LRRC4C: variants seen among roughly 807,000 people sequenced by gnomAD.
LRRC4C encodes leucine rich repeat containing 4C.
Under a neutral mutation model 33.6 loss-of-function variants are expected in LRRC4C, and 5 were observed. That is an observed-to-expected ratio of 0.15 (90% CI 0.08 to 0.31). LRRC4C has a LOEUF of 0.31. Among genes scored for constraint, LRRC4C ranks in the 10% least tolerant of loss-of-function variants. The pLI is 1.00. For missense variants in LRRC4C, 560 were observed against 796.7 expected, an observed-to-expected ratio of 0.70 and a Z score of 3.58; for synonymous variants, 329 against 302.0, an observed-to-expected ratio of 1.09 and a Z score of -0.93.
chr11:41,011,446 A>G (rs1259060361), intron 1 of LRRC4C, among the ~76,000 whole-genome samples: 1 of 152,166 alleles, frequency 6.6e-6, no homozygotes, highest in Non-Finnish European at 1.5e-5. Context: ...ATCCAATGAA[A>G]ATTATTAAAA....
chr11:41,093,509 G>A (rs1755896771), intron 1 of LRRC4C, among the ~76,000 whole-genome samples: 1 of 152,072 alleles, frequency 6.6e-6, no homozygotes, highest in Non-Finnish European at 1.5e-5. Context: ...TAAATACTTG[G>A]AAGTGGAATA....
chr11:40,320,398 G>A (rs1409837862), intron 3 of LRRC4C, among the ~76,000 whole-genome samples: 1 of 152,052 alleles, frequency 6.6e-6, no homozygotes, highest in Non-Finnish European at 1.5e-5. Flanking sequence ...CCAGCTGCTC[G>A]GGAGGCTGAG....
intron 1 of LRRC4C, among the ~76,000 whole-genome samples, chr11:41,136,386 T>G (rs965226780): frequency 6.6e-6 from 1 of 152,088 alleles, no homozygotes; most frequent in African/African-American, 2.4e-5. Context: ...TCAGTTTATA[T>G]TGTACAGATG....
At chr11:40,610,268 G>A (rs921040235) in intron 3 of LRRC4C, among the ~76,000 whole-genome samples, 2 of 151,616 alleles carry the variant, frequency 1.3e-5, no homozygotes, top group South Asian at 2.1e-4. Context: ...TGAACTAAAC[G>A]AAAGATAAAA....
intron 2 of LRRC4C, among the ~76,000 whole-genome samples, chr11:40,901,177 C>G (rs1197770985): frequency 6.6e-6 from 1 of 152,030 alleles, no homozygotes; most frequent in Non-Finnish European, 1.5e-5. Flanking sequence ...GTCAGAACAC[C>G]TTGACGTGCA....
At chr11:40,835,896 C>G (rs1288523539) in intron 2 of LRRC4C, among the ~76,000 whole-genome samples, 2 of 152,114 alleles carry the variant, frequency 1.3e-5, no homozygotes, top group Non-Finnish European at 2.9e-5. Flanking sequence ...GTTTTCATTA[C>G]ATTGTATCTT....
At chr11:41,169,975 C>T (rs1944899700) in intron 1 of LRRC4C, among the ~76,000 whole-genome samples, 2 of 152,002 alleles carry the variant, frequency 1.3e-5, no homozygotes, top group African/African-American at 4.8e-5. Context: ...GATTCTTTTT[C>T]ATGAAAAATA....
intron 2 of LRRC4C, among the ~76,000 whole-genome samples, chr11:40,903,639 T>G (rs1956299952): frequency 6.6e-6 from 1 of 152,154 alleles, no homozygotes; most frequent in Non-Finnish European, 1.5e-5. Flanking sequence ...AATTAGTTTG[T>G]AAGATGATTT....
intron 1 of LRRC4C, among the ~76,000 whole-genome samples, chr11:41,438,421 A>T (rs2138501798): frequency 6.6e-6 from 1 of 152,330 alleles, no homozygotes; most frequent in South Asian, 2.1e-4. Context: ...AAAAGCTGAG[A>T]TGGAAGAAAA....
chr11:41,171,538 G>A (rs1177251968), intron 1 of LRRC4C, among the ~76,000 whole-genome samples: 1 of 149,684 alleles, frequency 6.7e-6, no homozygotes, highest in Non-Finnish European at 1.5e-5. Context: ...ACTCATAGGT[G>A]GGAATTGAAC....
chr11:40,447,847 C>T (rs985646262), intron 3 of LRRC4C, among the ~76,000 whole-genome samples: 5 of 152,122 alleles, frequency 3.3e-5, no homozygotes, highest in African/African-American at 4.8e-5. Context: ...GACTGAGTCT[C>T]GCTCTGTTGC....
intron 3 of LRRC4C, among the ~76,000 whole-genome samples, chr11:40,489,194 T>C (rs1295378911): frequency 6.6e-6 from 1 of 152,130 alleles, no homozygotes; most frequent in African/African-American, 2.4e-5. Flanking sequence ...CCATATCACG[T>C]ACAGACTTTT....
chr11:40,335,353 A>G (rs1186168921), intron 3 of LRRC4C, among the ~76,000 whole-genome samples: 1 of 152,234 alleles, frequency 6.6e-6, no homozygotes, highest in Non-Finnish European at 1.5e-5. Flanking sequence ...TTCAGTCTAT[A>G]AATCCTACAC....
At chr11:41,220,640 G>C (rs77025095) in intron 1 of LRRC4C, among the ~76,000 whole-genome samples, 6,505 of 151,604 alleles carry the variant, frequency 0.043, 146 homozygotes, top group South Asian at 0.067. Flanking sequence ...ATTTCACTGA[G>C]AAAAAAATGA....
chr11:40,931,708 A>AT (rs1226302665), intron 2 of LRRC4C, among the ~76,000 whole-genome samples: 1 of 151,978 alleles, frequency 6.6e-6, no homozygotes, highest in Non-Finnish European at 1.5e-5. Flanking sequence ...ACTTATAATT[A>AT]TTTTTAAGTG....
At chr11:40,702,470 C>T (rs952431612) in intron 2 of LRRC4C, among the ~76,000 whole-genome samples, 4 of 152,048 alleles carry the variant, frequency 2.6e-5, no homozygotes, top group Admixed American at 2.6e-4. Context: ...ATTCCTTTCT[C>T]ATTAAAATTG....
intron 5 of LRRC4C, among the ~76,000 whole-genome samples, chr11:40,152,367 G>A (rs984511440): frequency 2.0e-5 from 3 of 152,164 alleles, no homozygotes; most frequent in African/African-American, 4.8e-5. Context: ...AGGGTGGCAG[G>A]GGGTAAAACT....
chr11:40,134,120 G>A (rs529624599), intron 6 of LRRC4C, among the ~76,000 whole-genome samples: 3 of 152,154 alleles, frequency 2.0e-5, no homozygotes, highest in Non-Finnish European at 2.9e-5. Context: ...AACCAGGCGT[G>A]GTGGCACATG....
At chr11:40,305,760 C>A (rs2136701081) in intron 4 of LRRC4C, among the ~76,000 whole-genome samples, 1 of 152,308 alleles carries the variant, frequency 6.6e-6, no homozygotes, top group African/African-American at 2.4e-5. Context: ...AGTTATTTAA[C>A]CTCTCTAAGC....
Sources: allele counts gnomAD v4.1 joint callset (sites outside exome capture counted in the v4.1 genomes callset), GRCh38; gene constraint gnomAD v4.1.1; transcripts MANE v1.5; gene names NCBI Gene and HGNC (gene_info 2026-07-23, HGNC 2026-07-21).